Variants in LRMDA observed in about 807,000 individuals in gnomAD.
LRMDA encodes leucine rich melanocyte differentiation associated, also known as leucine-rich melanocyte differentiation-associated protein.
LRMDA carries 18 observed loss-of-function variants against 29.8 expected under a neutral mutation model. The observed-to-expected ratio is 0.60, with a 90% CI of 0.42 to 0.90. LRMDA has a LOEUF of 0.90. Ranked by LOEUF, LRMDA falls within the 40% of genes least tolerant of loss-of-function variation. LRMDA has a pLI of 0.00. For synonymous variants in LRMDA, 125 were observed against 109.4 expected, an observed-to-expected ratio of 1.14 and a Z score of -0.89; for missense variants, 273 against 273.9, an observed-to-expected ratio of 1.00 and a Z score of 0.02.
chr10:76,254,007 G>T (rs1163542346), intron 5 of LRMDA, among the ~76,000 whole-genome samples: 1 of 151,800 alleles, frequency 6.6e-6, no homozygotes, highest in Non-Finnish European at 1.5e-5. Flanking sequence ...CTGTCATTTG[G>T]GATTTCTTTT....
intron 5 of LRMDA, among the ~76,000 whole-genome samples, chr10:76,320,681 A>G (rs1421834252): frequency 6.6e-6 from 1 of 152,200 alleles, no homozygotes; most frequent in Admixed American, 6.5e-5. Flanking sequence ...AATAATGAAC[A>G]CATGTAGAGA....
Position 76,505,715 on chromosome 10 carries a change from C to T in LRMDA, c.602-51494C>T, listed in dbSNP as rs369815585. Among the ~76,000 whole-genome samples, 32 of 152,202 alleles carry T rather than the reference C, an allele frequency of 2.1e-4. 1 individual carries two copies. The South Asian group carries it at 6.6e-3, about 32-fold the overall frequency. ...ATTGGGTTTGAATGTTCTTCTTGAT[C>T]TCAATGAGCTTCCTTGCCATCCACA... On this transcript the variant is annotated intron_variant, in intron 6 of 6. Transcript: ENST00000611255.
chr10:76,372,300 T>C (rs1841463866), intron 6 of LRMDA, among the ~76,000 whole-genome samples: 1 of 152,122 alleles, frequency 6.6e-6, no homozygotes, highest in Non-Finnish European at 1.5e-5. Flanking sequence ...GCATTGCAAG[T>C]ACACTTGAAA....
intron 6 of LRMDA, among the ~76,000 whole-genome samples, chr10:76,520,521 TA>T (rs1224826179): frequency 1.3e-5 from 2 of 152,200 alleles, no homozygotes; most frequent in Non-Finnish European, 2.9e-5. Flanking sequence ...ATCTCTGATA[TA>T]TTTTTTTAAT....
At chr10:76,438,756 C>T (rs2132289575) in intron 6 of LRMDA, 1 of 152,130 alleles carries the variant, frequency 6.6e-6, no homozygotes, top group Non-Finnish European at 1.5e-5. Context: ...ATCTGTTTCT[C>T]GATTCTTTAT....
chr10:76,158,718 A>G (rs1429997243), intron 5 of LRMDA, among the ~76,000 whole-genome samples: 1 of 152,188 alleles, frequency 6.6e-6, no homozygotes, highest in Non-Finnish European at 1.5e-5. Context: ...TTCTTATCTC[A>G]TACTGGTAGA....
At chr10:75,879,169 T>C (rs1845251211) in intron 2 of LRMDA, among the ~76,000 whole-genome samples, 1 of 152,180 alleles carries the variant, frequency 6.6e-6, no homozygotes, top group Non-Finnish European at 1.5e-5. Flanking sequence ...ACTTGAGTGA[T>C]GCAGGGTGGT....
chr10:76,404,562 T>C (rs943873794), intron 6 of LRMDA, among the ~76,000 whole-genome samples: 1 of 152,180 alleles, frequency 6.6e-6, no homozygotes, highest in Non-Finnish European at 1.5e-5. Context: ...TCGCTAGCTG[T>C]TCAGGGACAC....
chr10:75,528,999 A>C (rs1227850771), intron 2 of LRMDA, among the ~76,000 whole-genome samples: 1 of 152,246 alleles, frequency 6.6e-6, no homozygotes, highest in East Asian at 1.9e-4. Flanking sequence ...AGGCAAAGAT[A>C]TGGAAATGAG....
chr10:76,432,733 G>A (rs780016910), intron 6 of LRMDA, among the ~76,000 whole-genome samples: 5 of 152,166 alleles, frequency 3.3e-5, no homozygotes, highest in Non-Finnish European at 5.9e-5. Flanking sequence ...GCTTATCACT[G>A]GCTCATGTCA....
rs143591245 is a variant in LRMDA, at chr10:75,886,602, A to G, written c.132-149406A>G. Among the ~76,000 whole-genome samples, 125 of 152,344 alleles carry G rather than the reference A, an allele frequency of 8.2e-4. No homozygotes were observed. In the East Asian group the frequency reaches 0.014, roughly 17 times the overall value. ...CTAGCTACACCCCCTCAGTCAACCA[A>G]GTTGAGTTATAATCTGTGTGACAGT... On this transcript the variant is annotated intron_variant, in intron 2 of 6. Transcript: ENST00000611255.
At chr10:76,284,758 C>T (rs1285565068) in intron 5 of LRMDA, among the ~76,000 whole-genome samples, 1 of 152,086 alleles carries the variant, frequency 6.6e-6, no homozygotes, top group African/African-American at 2.4e-5. Flanking sequence ...GTAATTGAAT[C>T]TTGAGGGTGG....
At chr10:75,902,881 C>T (rs1845699076) in intron 2 of LRMDA, among the ~76,000 whole-genome samples, 1 of 152,176 alleles carries the variant, frequency 6.6e-6, no homozygotes, top group South Asian at 2.1e-4. Flanking sequence ...TCCTTTAGGG[C>T]TCCCCAGGGG....
intron 2 of LRMDA, among the ~76,000 whole-genome samples, chr10:75,462,706 G>A (rs2132039096): frequency 6.6e-6 from 1 of 152,174 alleles, no homozygotes; most frequent in South Asian, 2.1e-4. Context: ...ATGTTGTGCT[G>A]GTATAATTAG....
intron 5 of LRMDA, among the ~76,000 whole-genome samples, chr10:76,224,849 T>C (rs1851922089): frequency 6.6e-6 from 1 of 151,948 alleles, no homozygotes; most frequent in African/African-American, 2.4e-5. Flanking sequence ...GAAGGGATAT[T>C]GTGTCCTTCC....
intron 2 of LRMDA, among the ~76,000 whole-genome samples, chr10:75,756,592 G>C (rs12773730): frequency 0.15 from 22,555 of 152,208 alleles, 2,193 homozygotes; most frequent in Non-Finnish European, 0.21. Context: ...AACTGATAAA[G>C]GTGCTCTCTT....
chr10:75,795,541 C>T (rs1843638590), intron 2 of LRMDA, among the ~76,000 whole-genome samples: 1 of 152,154 alleles, frequency 6.6e-6, no homozygotes, highest in African/African-American at 2.4e-5. Context: ...AATCAGTTGG[C>T]CATGAATGTG....
intron 2 of LRMDA, among the ~76,000 whole-genome samples, chr10:75,929,484 G>A (rs540137837): frequency 2.0e-5 from 3 of 152,268 alleles, no homozygotes; most frequent in Middle Eastern, 6.8e-3. Context: ...GTTGAAGTGA[G>A]GAAACTGAGT....
chr10:75,966,173 G>T (rs1265432771), intron 2 of LRMDA, among the ~76,000 whole-genome samples: 1 of 152,170 alleles, frequency 6.6e-6, no homozygotes, highest in East Asian at 1.9e-4. Flanking sequence ...ATCAGCAAAA[G>T]AGCCCTTGTG....
Sources: allele counts gnomAD v4.1 joint callset (sites outside exome capture counted in the v4.1 genomes callset), GRCh38; gene constraint gnomAD v4.1.1; transcripts MANE v1.5; gene names NCBI Gene and HGNC (gene_info 2026-07-23, HGNC 2026-07-21).